CACNG3: variants seen among roughly 807,000 people sequenced by gnomAD.
The protein encoded by CACNG3 is voltage-dependent calcium channel gamma-3 subunit.
In CACNG3, 3 loss-of-function variants were observed where a neutral mutation model predicts 28.5. That is an observed-to-expected ratio of 0.11 (90% CI 0.05 to 0.27). The LOEUF is 0.27. Ranked by LOEUF, CACNG3 falls within the 10% of genes least tolerant of loss-of-function variation. CACNG3 has a pLI of 1.00. For missense variants in CACNG3, 236 were observed against 414.4 expected (o/e 0.57, Z 3.74); for synonymous variants, 174 against 162.2 (o/e 1.07, Z -0.55).
At chr16:24,327,018 TGG>T (rs1899556643) in intron 1 of CACNG3, among the ~76,000 whole-genome samples, 1 of 143,122 alleles carries the variant, frequency 7.0e-6, no homozygotes. Flanking sequence ...CAGCAGGTGA[TGG>T]GGATGAAGGA....
At chr16:24,354,730 C>A in intron 2 of CACNG3, 103 bp from the exon 3 acceptor site, 2 of 1,190,274 alleles carry the variant, frequency 1.7e-6, no homozygotes, top group Non-Finnish European at 1.2e-6. Flanking sequence ...GGGCTCTGTT[C>A]TCTTCCTGTG....
intron 1 of CACNG3, chr16:24,333,485 T>G (rs1899660051): frequency 6.6e-6 from 1 of 152,542 alleles, no homozygotes; most frequent in African/African-American, 2.4e-5. Flanking sequence ...GTGTTTCAAT[T>G]TAGCCACTTA....
chr16:24,357,462 G>A (rs1334052605), intron 3 of CACNG3, among the ~76,000 whole-genome samples: 1 of 152,144 alleles, frequency 6.6e-6, no homozygotes, highest in East Asian at 1.9e-4. Flanking sequence ...TAGAAAAACA[G>A]CAACCACACA....
intron 3 of CACNG3, among the ~76,000 whole-genome samples, chr16:24,355,743 A>G (rs1900023250): frequency 6.6e-6 from 1 of 152,076 alleles, no homozygotes; most frequent in Non-Finnish European, 1.5e-5. Context: ...CACTCTTCCT[A>G]TGCCAATCAA....
At chr16:24,341,613 T>A (rs1295552027) in intron 1 of CACNG3, among the ~76,000 whole-genome samples, 4 of 152,358 alleles carry the variant, frequency 2.6e-5, no homozygotes, top group African/African-American at 9.6e-5. Context: ...ACTATTATTA[T>A]CTTCATTCTG....
chr16:24,308,139 G>A (rs1469327830), intron 1 of CACNG3, among the ~76,000 whole-genome samples: 2 of 152,180 alleles, frequency 1.3e-5, no homozygotes, highest in East Asian at 1.9e-4. Context: ...CAGGATCTTT[G>A]ACTGTGGATA....
rs763678715 is a variant in CACNG3, at chr16:24,361,588, C to G, written c.673C>G (p.Pro225Ala). ...FLKKSTFARL[P>A]PYRYRFRRRS... The stretch of plus-strand genomic sequence containing the variant: ...GAAGAAATCTACTTTTGCCCGCCTC[C>G]CACCCTACAGGTATCGATTCCGGAG... The change falls in exon 4 of 4, where the codon CCA becomes GCA. Residue 225 changes from proline to alanine, a missense_variant. By Grantham distance (27) the Pro-to-Ala change is conservative. This residue lies in a region of CACNG3 where 116 missense variants were observed against 151.0 expected (regional missense o/e 0.77). Transcript: ENST00000005284. The surrounding 1 kb of genome is among the most constrained non-coding windows in gnomAD (Gnocchi z 6.8). 1 of 1,614,024 alleles carries G rather than the reference C, an allele frequency of 6.2e-7. No individual in the cohort carries two copies. The highest frequency in any genetic ancestry group is 1.1e-5 in the South Asian group (1 of 91,056).
At chr16:24,323,834 C>T (rs184930179) in intron 1 of CACNG3, among the ~76,000 whole-genome samples, 53 of 152,302 alleles carry the variant, frequency 3.5e-4, no homozygotes, top group African/African-American at 1.2e-3. Flanking sequence ...GTGGAGTGAT[C>T]TCAGCTCACT....
At chr16:24,317,840 TCTGCACCCC>T (rs1899405792) in intron 1 of CACNG3, among the ~76,000 whole-genome samples, 2 of 152,274 alleles carry the variant, frequency 1.3e-5, no homozygotes, top group South Asian at 4.2e-4. Flanking sequence ...TCCTAGGGAT[TCTGCACCCC>T]CTGAAGCTTC....
intron 1 of CACNG3, among the ~76,000 whole-genome samples, chr16:24,331,431 C>G (rs769044997): frequency 7.9e-5 from 12 of 152,208 alleles, no homozygotes; most frequent in Non-Finnish European, 1.6e-4. Context: ...AAGAGGCATA[C>G]CTCTGTGGAC....
At chr16:24,340,427 C>A (rs939953719) in intron 1 of CACNG3, among the ~76,000 whole-genome samples, 2 of 152,052 alleles carry the variant, frequency 1.3e-5, no homozygotes, top group African/African-American at 4.8e-5. Context: ...ATTTAGTGTA[C>A]CTTTTCCAAA....
At chr16:24,335,369 A>C (rs1346687440) in intron 1 of CACNG3, among the ~76,000 whole-genome samples, 2 of 152,172 alleles carry the variant, frequency 1.3e-5, no homozygotes, top group African/African-American at 2.4e-5. Flanking sequence ...GCAGTGAGCC[A>C]AGATCGCGCC....
chr16:24,258,783 A>G (rs1898501614), intron 1 of CACNG3, among the ~76,000 whole-genome samples: 1 of 152,378 alleles, frequency 6.6e-6, no homozygotes. Context: ...AAAATGGCAC[A>G]TATGTATACA....
rs371776753 is a variant in CACNG3, at chr16:24,351,757, A to AAGGAAGAG, written c.296-3074_296-3073insGAAGAGAG. On this transcript the variant is annotated intron_variant, in intron 2 of 3. Coordinates refer to ENST00000005284, the MANE Select transcript of CACNG3 (RefSeq NM_006539.4). The stretch of plus-strand genomic sequence containing the variant: ...AGAGAAAGGAAGGAAGGAAGGAAGG[A>AAGGAAGAG]AGAGAGAGAGAGAAAGAAAGATTGG... Among the ~76,000 whole-genome samples, 230 of 141,798 alleles carry AAGGAAGAG rather than the reference A, an allele frequency of 1.6e-3. 2 individuals carry two copies. The highest frequency in any genetic ancestry group is 5.6e-3 in the African/African-American group (210 of 37,776). 93.0% of individuals were successfully genotyped at this position (141,798 alleles called of 152,430 possible).
rs769196310 is a variant in CACNG3 at position 24,361,812 on chromosome 16, C to G, written c.897C>G (p.Phe299Leu). 6 of 1,613,628 alleles carry G rather than the reference C, an allele frequency of 3.7e-6. No individual in the cohort carries two copies. In the East Asian group the frequency reaches 1.1e-4, roughly 30 times the overall value. Residue 299 changes from phenylalanine (F) to leucine (L), a missense_variant, in exon 4 of 4, where the codon TTC (phenylalanine) becomes TTG (leucine). Physicochemically the swap from Phe to Leu is conservative, Grantham distance 22. Coordinates refer to ENST00000005284, the MANE Select transcript of CACNG3 (RefSeq NM_006539.4). The surrounding 1 kb of genome is among the most constrained non-coding windows in gnomAD (Gnocchi z 6.8). ...TCCACAATTCCACACCCAAAGAGTT[C>G]AAAGAGTCACTGCATAATAATCCGG... ...LQFHNSTPKE[F>L]KESLHNNPAN...
chr16:24,361,879 C>G lies in CACNG3; in HGVS notation c.*16C>G. On this transcript the variant is annotated 3_prime_UTR_variant, in exon 4 of 4. Transcript: ENST00000005284. This position sits in a 1 kb window ranked among gnomAD's most constrained non-coding sequence, Gnocchi z 6.8. ...GCCCGTCTGAACTGACCTCTGACCT[C>G]TGCCCCACGCCCAGCACAGCCTTGG... The G allele has an allele frequency of 6.3e-7, 1 of 1,587,048 alleles. No homozygotes were observed. Among genetic ancestry groups the G allele is most frequent in the Non-Finnish European group, 8.5e-7 (1 of 1,170,280 alleles).
At chr16:24,288,946 G>T (rs894840703) in intron 1 of CACNG3, among the ~76,000 whole-genome samples, 1 of 152,110 alleles carries the variant, frequency 6.6e-6, no homozygotes, top group Admixed American at 6.6e-5. Flanking sequence ...TGAAGGGTAT[G>T]GTGACTTTTT....
At chr16:24,258,943 G>C (rs1452881796) in intron 1 of CACNG3, among the ~76,000 whole-genome samples, 3 of 152,160 alleles carry the variant, frequency 2.0e-5, no homozygotes, top group Non-Finnish European at 2.9e-5. Flanking sequence ...CTAAACACTT[G>C]CTAAGAATTT....
intron 1 of CACNG3, among the ~76,000 whole-genome samples, chr16:24,310,306 G>A (rs370807867): frequency 5.9e-5 from 9 of 152,236 alleles, no homozygotes; most frequent in African/African-American, 1.2e-4. Flanking sequence ...GCTCACGCCT[G>A]TAATCCCAGC....
Sources: gnomAD v4.1 joint callset for allele counts (sites outside exome capture counted in the v4.1 genomes callset) on GRCh38, gnomAD v4.1.1 for gene constraint, gnomAD v4.1.1 regional missense constraint, Gnocchi (gnomAD v3.1) non-coding constraint, MANE v1.5 for transcripts, NCBI Gene and HGNC (gene_info 2026-07-23, HGNC 2026-07-21) for gene names.